The following INTS13 variants were observed in gnomAD, a reference collection of about 807,000 sequenced individuals.
INTS13 encodes integrator complex subunit 13, also known as asunder, spermatogenesis regulator homolog (Drosphila).
Under a neutral mutation model 90.2 loss-of-function variants are expected in INTS13, and 35 were observed. That is an observed-to-expected ratio of 0.39 (90% CI 0.30 to 0.51). INTS13 has a LOEUF of 0.51. Among genes scored for constraint, INTS13 ranks in the 20% least tolerant of loss-of-function variants. The pLI is 0.80. For missense variants in INTS13, 601 were observed against 851.2 expected (o/e 0.71, Z 3.66); for synonymous variants, 309 against 277.1 (o/e 1.11, Z -1.14).
chr12:26,931,993 C>T (rs1235746839), intron 3 of INTS13, among the ~76,000 whole-genome samples: 5 of 147,154 alleles, frequency 3.4e-5, no homozygotes, highest in East Asian at 2.1e-4. Context: ...AAGCTGAGGC[C>T]GGAGAATTGC....
intron 16 of INTS13, 97 bp downstream of exon 16, chr12:26,906,205 G>T: frequency 8.5e-7 from 1 of 1,169,614 alleles, no homozygotes; most frequent in Non-Finnish European, 1.2e-6. Context: ...CATAATATTA[G>T]TAATAAAAAA....
chr12:26,906,521 T>C, intron 15 of INTS13, 84 bp from the exon 16 acceptor site: 2 of 1,360,342 alleles, frequency 1.5e-6, no homozygotes, highest in Non-Finnish European at 2.0e-6. Context: ...AACTTACCTT[T>C]AATTCTGTTG....
At position 26,917,338 on chromosome 12, in the gene INTS13, A is replaced by G; in HGVS notation, c.1069+14T>C. On this transcript the variant is annotated intron_variant, in intron 10 of 16. Coordinates refer to ENST00000261191, the MANE Select transcript of INTS13 (RefSeq NM_018164.3). ...AAATAATTTCAGTCAAAACCATTAA[A>G]TAATTAAAGTTACCATTTAGAAGAA... 3 of 1,090,948 alleles carry G rather than the reference A, an allele frequency of 2.7e-6. No individual in the cohort carries two copies. The highest frequency in any genetic ancestry group is 5.1e-5 in the East Asian group (2 of 38,876). 67.6% of individuals were successfully genotyped at this position (1,090,948 alleles called of 1,614,324 possible). A position where few individuals can be genotyped will look rare whatever the true frequency, so the allele number is the denominator to read the frequency against.
intron 6 of INTS13, 81 bp downstream of exon 6, chr12:26,925,680 G>C: frequency 8.7e-7 from 1 of 1,154,852 alleles, no homozygotes; most frequent in Non-Finnish European, 1.2e-6. Flanking sequence ...TATTGGCAAT[G>C]GATCATTTTA....
intron 4 of INTS13, 137 bp downstream of exon 4, chr12:26,928,566 A>AAT: frequency 1.1e-6 from 1 of 877,932 alleles, no homozygotes; most frequent in Non-Finnish European, 1.7e-6. Context: ...AAAAAAAAAA[A>AAT]AAGAAAAAAA....
At chr12:26,935,766 A>C (rs1938427525) in intron 2 of INTS13, among the ~76,000 whole-genome samples, 1 of 152,236 alleles carries the variant, frequency 6.6e-6, no homozygotes, top group South Asian at 2.1e-4. Context: ...TGAATGTATA[A>C]TATCAGACTA....
intron 15 of INTS13, among the ~76,000 whole-genome samples, chr12:26,909,833 T>C (rs565729309): frequency 6.6e-6 from 1 of 152,298 alleles, no homozygotes; most frequent in East Asian, 1.9e-4. Context: ...ACATACACTA[T>C]AACAAGCATA....
chr12:26,918,015 G>C (rs143072390), intron 8 of INTS13, among the ~76,000 whole-genome samples: 1 of 152,006 alleles, frequency 6.6e-6, no homozygotes, highest in East Asian at 1.9e-4. Flanking sequence ...CCAGCTATTC[G>C]GGAGGCTGAG....
intron 10 of INTS13, among the ~76,000 whole-genome samples, 153 bp downstream of exon 10, chr12:26,917,199 G>A (rs963454295): frequency 2.6e-4 from 40 of 151,884 alleles, no homozygotes; most frequent in African/African-American, 9.4e-4. Context: ...GTTTAAAACA[G>A]CTTTGGCAAA....
At chr12:26,916,212 G>T (rs775263826) in intron 10 of INTS13, 32 bp from the exon 11 acceptor site, 1 of 1,539,278 alleles carries the variant, frequency 6.5e-7, no homozygotes, top group Non-Finnish European at 8.8e-7. Flanking sequence ...TATCAGTAAT[G>T]AAACTCAAAT....
chr12:26,927,807 G>T (rs890490189), intron 5 of INTS13, among the ~76,000 whole-genome samples: 1 of 151,950 alleles, frequency 6.6e-6, no homozygotes, highest in Non-Finnish European at 1.5e-5. Flanking sequence ...GTAGAGACGG[G>T]GTTTTGCCAT....
chr12:26,914,962 C>T (rs889164965), intron 11 of INTS13, among the ~76,000 whole-genome samples: 2 of 152,134 alleles, frequency 1.3e-5, no homozygotes. Flanking sequence ...CACGGTGGCT[C>T]ACACCTGTAA....
At chr12:26,910,406 T>C (rs768780632) in intron 15 of INTS13, among the ~76,000 whole-genome samples, 1 of 152,206 alleles carries the variant, frequency 6.6e-6, no homozygotes, top group Non-Finnish European at 1.5e-5. Context: ...CTGACAAATA[T>C]ATTTACTGCC....
In INTS13 at chr12:26,925,782, T is replaced by TAG; in HGVS notation, c.653_654insCT (p.Ser219TyrfsTer13). On this transcript the variant is annotated frameshift_variant, in exon 6 of 17. Transcript: ENST00000261191. LOFTEE classifies it high-confidence loss of function. ...TCACCTCTTTTTTAGAACGATCAGATACAAGGCTGTCTTCACCAACTGGGT... is the reference window on the plus strand; with the variant it reads ...TCACCTCTTTTTTAGAACGATCAGATAGACAAGGCTGTCTTCACCAACTGGGT... 1 of 1,611,998 alleles carries TAG rather than the reference T, an allele frequency of 6.2e-7. No individual in the cohort carries two copies. Among genetic ancestry groups the TAG allele is most frequent in the Non-Finnish European group, 8.5e-7 (1 of 1,178,668 alleles).
intron 11 of INTS13, 91 bp downstream of exon 11, chr12:26,915,911 C>A: frequency 1.1e-6 from 1 of 915,008 alleles, no homozygotes; most frequent in South Asian, 2.6e-5. Flanking sequence ...TCTTTTTTTC[C>A]ACAGACCTTA....
At chr12:26,936,358 AAT>A (rs1266580855) in intron 2 of INTS13, among the ~76,000 whole-genome samples, 4 of 152,228 alleles carry the variant, frequency 2.6e-5, no homozygotes, top group African/African-American at 9.6e-5. Context: ...AGCACTTTGA[AAT>A]ATGTCTGGCA....
intron 3 of INTS13, among the ~76,000 whole-genome samples, chr12:26,929,873 GAA>G (rs1414694605): frequency 6.6e-6 from 1 of 152,138 alleles, no homozygotes; most frequent in Non-Finnish European, 1.5e-5. Flanking sequence ...AGATTGGAAA[GAA>G]AGAGGTAAAA....
chr12:26,932,966 C>T (rs1284482193), intron 3 of INTS13, among the ~76,000 whole-genome samples: 1 of 151,924 alleles, frequency 6.6e-6, no homozygotes, highest in African/African-American at 2.4e-5. Context: ...TAAGAAAAGC[C>T]TCAACATAAA....
intron 11 of INTS13, among the ~76,000 whole-genome samples, chr12:26,915,411 T>TA (rs961101182): frequency 3.3e-5 from 5 of 152,244 alleles, no homozygotes; most frequent in African/African-American, 7.2e-5. Context: ...TTATGTTTTT[T>TA]AAAAAAATCC....
Sources: allele counts gnomAD v4.1 joint callset (sites outside exome capture counted in the v4.1 genomes callset), GRCh38; gene constraint gnomAD v4.1.1; transcripts MANE v1.5; gene names NCBI Gene and HGNC (gene_info 2026-07-23, HGNC 2026-07-21).